The following FAXC variants were observed in gnomAD, a reference collection of about 807,000 sequenced individuals.
FAXC encodes failed axon connections homolog, metaxin like GST domain containing.
FAXC carries 10 observed loss-of-function variants against 41.9 expected under a neutral mutation model. The ratio of observed to expected loss-of-function variants is 0.24; its 90% CI spans 0.15 to 0.41. The LOEUF is 0.41. FAXC is among the 10% of genes least tolerant of loss of function. The pLI, the probability that FAXC is intolerant of heterozygous loss-of-function variation, is 1.00. For synonymous variants in FAXC, 183 were observed against 183.8 expected, an observed-to-expected ratio of 1.00 and a Z score of 0.03; for missense variants, 399 against 510.9, an observed-to-expected ratio of 0.78 and a Z score of 2.11.
At chr6:99,300,354 T>TAA (rs948374629) in intron 4 of FAXC, among the ~76,000 whole-genome samples, 1 of 152,244 alleles carries the variant, frequency 6.6e-6, no homozygotes, top group African/African-American at 2.4e-5. Context: ...TTTACACATC[T>TAA]AAATTAGGAA....
intron 2 of FAXC, among the ~76,000 whole-genome samples, chr6:99,340,933 T>C (rs1327679592): frequency 6.6e-6 from 1 of 152,084 alleles, no homozygotes; most frequent in Non-Finnish European, 1.5e-5. Flanking sequence ...CCTCTCAAAG[T>C]GCTAGGATTA....
intron 2 of FAXC, among the ~76,000 whole-genome samples, chr6:99,337,843 C>A (rs967999894): frequency 1.3e-5 from 2 of 152,106 alleles, no homozygotes; most frequent in Non-Finnish European, 2.9e-5. Context: ...ATCAAATATT[C>A]ATTCCCATTC....
chr6:99,300,893 T>C (rs1474570435), intron 4 of FAXC, among the ~76,000 whole-genome samples: 1 of 152,236 alleles, frequency 6.6e-6, no homozygotes, highest in Non-Finnish European at 1.5e-5. Flanking sequence ...CGCCCATCTT[T>C]TGAGAAAGCT....
At chr6:99,302,908 A>G (rs1219940323) in intron 4 of FAXC, among the ~76,000 whole-genome samples, 1 of 152,192 alleles carries the variant, frequency 6.6e-6, no homozygotes, top group Non-Finnish European at 1.5e-5. Flanking sequence ...TAAAGCAAAT[A>G]TAACAACATA....
At chr6:99,347,035 G>A (rs1199448918) in intron 1 of FAXC, among the ~76,000 whole-genome samples, 1 of 152,096 alleles carries the variant, frequency 6.6e-6, no homozygotes, top group African/African-American at 2.4e-5. Flanking sequence ...GCCAAGGAGG[G>A]AGGATTTCTT....
rs1773695938 is a variant in FAXC at position 99,349,042 on chromosome 6, G to T, written c.266+65C>A. On this transcript the variant is annotated intron_variant, in intron 1 of 5. Coordinates refer to ENST00000389677, the MANE Select transcript of FAXC (RefSeq NM_032511.4). The stretch of plus-strand genomic sequence containing the variant: ...AGGGGCTGGCACGGGCCCCTCTCGC[G>T]CCAGCCCTGCCCTAGCCAGGTGCCC... 9 of 1,515,810 alleles carry T rather than the reference G, an allele frequency of 5.9e-6. No homozygotes were observed. The Middle Eastern group carries it at 5.3e-4, about 89-fold the overall frequency. The allele number at this position is 1,515,810 out of a possible 1,614,324, so 93.9% of individuals were successfully genotyped here. A position where few individuals can be genotyped will look rare whatever the true frequency, so the allele number is the denominator to read the frequency against.
chr6:99,349,414 C>G lies in FAXC; in HGVS notation c.-42G>C, dbSNP rs1773715625. On this transcript the variant is annotated 5_prime_UTR_variant, in exon 1 of 6. Transcript: ENST00000389677. ...CGGGCGCCCCTCCCAGGGCCCGCGC[C>G]GCCCGCATGGGAAGGGGCCGGCGCG... 1.3e-6 allele frequency: 2 copies of G among 1,507,554 alleles called. No homozygotes were observed. Among genetic ancestry groups the G allele is most frequent in the Non-Finnish European group, 1.8e-6 (2 of 1,132,328 alleles). The allele number at this position is 1,507,554 out of a possible 1,614,324, so 93.4% of individuals were successfully genotyped here. A position where few individuals can be genotyped will look rare whatever the true frequency, so the allele number is the denominator to read the frequency against.
chr6:99,280,030 C>T lies in FAXC; in HGVS notation c.*1134G>A, dbSNP rs1770767798. 1.3e-5 allele frequency: 2 copies of T among 152,212 alleles called. No individual in the cohort carries two copies. Among genetic ancestry groups the T allele is most frequent in the South Asian group, 4.1e-4 (2 of 4,830 alleles). The allele number at this position is 152,212 out of a possible 1,614,324, so 9.4% of individuals were successfully genotyped here. The stretch of plus-strand genomic sequence containing the variant: ...AATCAATGAAATACTTTCCCTTCAA[C>T]TCTATGAAACCTGCCATATACCTGA... On this transcript the variant is annotated 3_prime_UTR_variant, in exon 6 of 6. Coordinates refer to ENST00000389677, the MANE Select transcript of FAXC (RefSeq NM_032511.4).
intron 3 of FAXC, among the ~76,000 whole-genome samples, chr6:99,329,130 T>C (rs1420699975): frequency 1.3e-5 from 2 of 152,206 alleles, no homozygotes; most frequent in African/African-American, 4.8e-5. Flanking sequence ...AGAGGGTCAA[T>C]TTGGAAAGCT....
chr6:99,282,615 T>C (rs1483828892), intron 5 of FAXC, among the ~76,000 whole-genome samples: 1 of 152,170 alleles, frequency 6.6e-6, no homozygotes, highest in Non-Finnish European at 1.5e-5. Context: ...CATTTCCTAA[T>C]TCCAAATGAA....
At chr6:99,303,188 T>C (rs1375725302) in intron 4 of FAXC, among the ~76,000 whole-genome samples, 1 of 152,206 alleles carries the variant, frequency 6.6e-6, no homozygotes, top group African/African-American at 2.4e-5. Context: ...TATGCCCTGA[T>C]GGTCTCATCA....
chr6:99,301,557 T>C (rs1771706423), intron 4 of FAXC, among the ~76,000 whole-genome samples: 1 of 152,224 alleles, frequency 6.6e-6, no homozygotes, highest in Non-Finnish European at 1.5e-5. Flanking sequence ...TGCATACTTC[T>C]TTCTCAAAGA....
At chr6:99,307,378 C>T (rs1388504550) in intron 4 of FAXC, among the ~76,000 whole-genome samples, 1 of 152,006 alleles carries the variant, frequency 6.6e-6, no homozygotes, top group Non-Finnish European at 1.5e-5. Flanking sequence ...CTCAAAGGCC[C>T]GAATGGAGAG....
intron 4 of FAXC, among the ~76,000 whole-genome samples, chr6:99,311,235 G>A (rs942323451): frequency 6.6e-6 from 1 of 152,098 alleles, no homozygotes; most frequent in African/African-American, 2.4e-5. Flanking sequence ...CCTCTGCCTT[G>A]TTTCATGACT....
intron 1 of FAXC, among the ~76,000 whole-genome samples, chr6:99,347,205 C>G (rs1773630159): frequency 6.6e-6 from 1 of 152,050 alleles, no homozygotes; most frequent in Admixed American, 6.6e-5. Flanking sequence ...AGTTCAAGAG[C>G]AGCCTGGCCA....
intron 1 of FAXC, among the ~76,000 whole-genome samples, chr6:99,348,881 G>C (rs139212954): frequency 6.6e-6 from 1 of 152,328 alleles, no homozygotes; most frequent in East Asian, 1.9e-4. Flanking sequence ...AGCATTTTGG[G>C]AGACAAATGT....
intron 1 of FAXC, among the ~76,000 whole-genome samples, chr6:99,344,871 T>C (rs987510858): frequency 3.3e-5 from 5 of 152,338 alleles, no homozygotes; most frequent in African/African-American, 1.2e-4. Flanking sequence ...ACGATCTAAT[T>C]CTAATTGTTA....
chr6:99,320,901 G>T (rs1342796204), intron 4 of FAXC, among the ~76,000 whole-genome samples: 1 of 152,176 alleles, frequency 6.6e-6, no homozygotes, highest in African/African-American at 2.4e-5. Context: ...CGTGGGACTT[G>T]CCCCAGCCTG....
In FAXC at chr6:99,289,551, T is replaced by C. The variant is rs115846561; in HGVS notation, c.940+2153A>G. Among the ~76,000 whole-genome samples the C allele has an allele frequency of 7.9e-3, 1,204 of 152,086 alleles. 12 individuals carry two copies. Among genetic ancestry groups the C allele is most frequent in the African/African-American group, 0.027 (1,116 of 41,472 alleles). ...CACTCATGAAGTCCCAGCTACTCAG[T>C]AGGTTGAGACAGGAGGATTACTTGA... is the stretch of plus-strand genomic sequence containing the variant. On this transcript the variant is annotated intron_variant, in intron 5 of 5. Transcript: ENST00000389677.
Sources: gnomAD v4.1 joint callset for allele counts (sites outside exome capture counted in the v4.1 genomes callset) on GRCh38, gnomAD v4.1.1 for gene constraint, MANE v1.5 for transcripts, NCBI Gene and HGNC (gene_info 2026-07-23, HGNC 2026-07-21) for gene names.